Variants in ANKRD44 observed in about 807,000 individuals in gnomAD.
ANKRD44 encodes the protein ankyrin repeat domain 44.
Under a neutral mutation model 116.0 loss-of-function variants are expected in ANKRD44, and 35 were observed. The ratio of observed to expected loss-of-function variants is 0.30; its 90% confidence interval spans 0.23 to 0.40. The LOEUF (loss-of-function observed/expected upper bound fraction) is 0.40, where lower values mean the gene tolerates loss of function less well. Among genes scored for constraint, ANKRD44 ranks in the 10% least tolerant of loss-of-function variants. The probability of loss-of-function intolerance (pLI) is 1.00; values close to 1 mark genes in which losing one functional copy is unlikely to be tolerated. For missense variants in ANKRD44, 1,014 were observed against 1,242.6 expected, an observed-to-expected ratio of 0.82 and a Z score of 2.77; for synonymous variants, 435 against 461.8, an observed-to-expected ratio of 0.94 and a Z score of 0.74.
intron 1 of ANKRD44, among the ~76,000 whole-genome samples, chr2:197,291,018 G>A (rs572237419): frequency 3.9e-5 from 6 of 151,962 alleles, no homozygotes; most frequent in African/African-American, 1.5e-4. Context: ...AGACTAGCGT[G>A]GGCAACATAG....
At chr2:197,276,418 T>G (rs1208600563) in intron 1 of ANKRD44, among the ~76,000 whole-genome samples, 1 of 152,100 alleles carries the variant, frequency 6.6e-6, no homozygotes, top group African/African-American at 2.4e-5. Context: ...TGCTCTATAT[T>G]TATAGTTGTC....
chr2:197,090,703 T>C (rs2078023947), intron 10 of ANKRD44, among the ~76,000 whole-genome samples: 2 of 152,132 alleles, frequency 1.3e-5, no homozygotes, highest in African/African-American at 2.4e-5. Context: ...TGTTGCCTTT[T>C]CCTAAACTAC....
At chr2:197,297,225 C>T (rs1399514905) in intron 1 of ANKRD44, among the ~76,000 whole-genome samples, 12 of 152,024 alleles carry the variant, frequency 7.9e-5, no homozygotes, top group Non-Finnish European at 4.4e-5. Flanking sequence ...AAATGTAATT[C>T]CTAAAGCTGT....
chr2:197,252,581 C>CA (rs2082346712), intron 1 of ANKRD44, among the ~76,000 whole-genome samples: 1 of 151,836 alleles, frequency 6.6e-6, no homozygotes, highest in Non-Finnish European at 1.5e-5. Context: ...TAATTTTTTG[C>CA]GTTTTTAGTA....
chr2:197,109,855 T>A (rs961916743), intron 9 of ANKRD44, among the ~76,000 whole-genome samples: 3 of 152,170 alleles, frequency 2.0e-5, no homozygotes, highest in Non-Finnish European at 2.9e-5. Flanking sequence ...AACCAGGATG[T>A]AAAATGATAC....
At chr2:197,051,013 A>C (rs1468949059) in intron 16 of ANKRD44, among the ~76,000 whole-genome samples, 1 of 143,838 alleles carries the variant, frequency 7.0e-6, no homozygotes, top group Non-Finnish European at 1.5e-5. Flanking sequence ...CCCATGCTGC[A>C]GTGCAGTGGC....
intron 8 of ANKRD44, 74 bp from the exon 9 acceptor site, chr2:197,110,918 T>C (rs1031722595): frequency 3.1e-5 from 30 of 975,780 alleles, no homozygotes; most frequent in Non-Finnish European, 4.7e-5. Flanking sequence ...AATACCCCTA[T>C]GGACACTCCT....
intron 1 of ANKRD44, among the ~76,000 whole-genome samples, chr2:197,285,602 C>G (rs1574445002): frequency 6.6e-6 from 1 of 152,156 alleles, no homozygotes; most frequent in South Asian, 2.1e-4. Context: ...TGACTTACTC[C>G]TACAACCAAG....
At chr2:197,010,230 C>T (rs1473833800) in intron 18 of ANKRD44, among the ~76,000 whole-genome samples, 1 of 152,150 alleles carries the variant, frequency 6.6e-6, no homozygotes, top group Non-Finnish European at 1.5e-5. Context: ...TGGCAGAAAA[C>T]AAAACCTCAC....
At position 196,988,205 on chromosome 2, in the gene ANKRD44, T is replaced by C. The variant is rs1004541830; in HGVS notation, c.*1386A>G. ...CGCTGCTTTGCCATTAAAGCAAGCATTTCATTTCCTGCTTGAAATGCCAAC... is the reference window on the plus strand; with the variant it reads ...CGCTGCTTTGCCATTAAAGCAAGCACTTCATTTCCTGCTTGAAATGCCAAC... On this transcript the variant is annotated 3_prime_UTR_variant, in exon 28 of 28. Coordinates refer to ENST00000282272, the MANE Select transcript of ANKRD44 (RefSeq NM_001195144.2). 2.0e-6 allele frequency: 2 copies of C among 985,452 alleles called. No individual in the cohort carries two copies. The highest frequency in any genetic ancestry group is 2.4e-6 in the Non-Finnish European group (2 of 829,940). The allele number at this position is 985,452 out of a possible 1,614,324, so 61.0% of individuals were successfully genotyped here.
intron 16 of ANKRD44, among the ~76,000 whole-genome samples, chr2:197,076,895 C>T (rs1460469511): frequency 6.6e-6 from 1 of 152,120 alleles, no homozygotes; most frequent in Non-Finnish European, 1.5e-5. Context: ...TGTCTTTATC[C>T]AGTCTACTGT....
chr2:197,094,897 T>G (rs141865842), intron 10 of ANKRD44, among the ~76,000 whole-genome samples: 1 of 152,350 alleles, frequency 6.6e-6, no homozygotes, highest in Non-Finnish European at 1.5e-5. Context: ...CTAAAGTGGT[T>G]CAAGAGGCCC....
intron 1 of ANKRD44, among the ~76,000 whole-genome samples, chr2:197,293,550 T>TA (rs1307328045): frequency 6.6e-6 from 1 of 152,236 alleles, no homozygotes; most frequent in Non-Finnish European, 1.5e-5. Flanking sequence ...TCCCTTCAGA[T>TA]GGCCAATCTT....
chr2:197,031,203 A>AC (rs1306748829), intron 16 of ANKRD44, among the ~76,000 whole-genome samples: 2 of 151,740 alleles, frequency 1.3e-5, no homozygotes, highest in Non-Finnish European at 1.5e-5. Context: ...ACATGACTAT[A>AC]TATACAGGAA....
intron 1 of ANKRD44, among the ~76,000 whole-genome samples, chr2:197,205,882 C>A (rs1327191859): frequency 6.6e-6 from 1 of 152,052 alleles, no homozygotes; most frequent in South Asian, 2.1e-4. Flanking sequence ...TCTACAGAGA[C>A]CCAAAGATCA....
intron 25 of ANKRD44, among the ~76,000 whole-genome samples, chr2:196,996,427 G>A (rs766883918): frequency 7.9e-5 from 12 of 152,132 alleles, no homozygotes; most frequent in Non-Finnish European, 1.6e-4. Flanking sequence ...AGGTAACACT[G>A]ATAATATTTT....
intron 21 of ANKRD44, among the ~76,000 whole-genome samples, chr2:196,981,398 G>C (rs2075800130): frequency 6.6e-6 from 1 of 152,126 alleles, no homozygotes; most frequent in African/African-American, 2.4e-5. Flanking sequence ...AATCCACCAG[G>C]ATGACTGGTA....
intron 1 of ANKRD44, among the ~76,000 whole-genome samples, chr2:197,306,286 G>T (rs2084072674): frequency 6.6e-6 from 1 of 152,118 alleles, no homozygotes; most frequent in Admixed American, 6.6e-5. Flanking sequence ...AGACTGCCAG[G>T]GTAGGACAGT....
At chr2:197,166,800 A>G (rs1307366708) in intron 2 of ANKRD44, among the ~76,000 whole-genome samples, 1 of 152,026 alleles carries the variant, frequency 6.6e-6, no homozygotes, top group South Asian at 2.1e-4. Flanking sequence ...CAATGCTCAC[A>G]CTCTTAGCCA....
Sources: gnomAD v4.1 joint callset for allele counts (sites outside exome capture counted in the v4.1 genomes callset) on GRCh38, gnomAD v4.1.1 for gene constraint, MANE v1.5 for transcripts, NCBI Gene and HGNC (gene_info 2026-07-23, HGNC 2026-07-21) for gene names.